Variants in TET1 observed in about 807,000 individuals in gnomAD.
The protein encoded by TET1 is methylcytosine dioxygenase TET1.
TET1 carries 13 observed loss-of-function variants against 148.7 expected under a neutral mutation model. The observed-to-expected ratio is 0.09, with a 90% CI of 0.06 to 0.14. TET1 has a LOEUF of 0.14. TET1 is among the 10% of genes least tolerant of loss of function. The pLI is 1.00. For synonymous variants in TET1, 907 were observed against 937.2 expected, an observed-to-expected ratio of 0.97 and a Z score of 0.59; for missense variants, 2,182 against 2,553.8, an observed-to-expected ratio of 0.85 and a Z score of 3.14.
intron 11 of TET1, among the ~76,000 whole-genome samples, chr10:68,690,118 A>G (rs550528406): frequency 5.1e-4 from 78 of 152,338 alleles, no homozygotes; most frequent in African/African-American, 1.8e-3. Context: ...GTATCTAAAT[A>G]TCTTTGAATA....
At chr10:68,661,006 T>G (rs1349529250) in intron 6 of TET1, among the ~76,000 whole-genome samples, 1 of 151,346 alleles carries the variant, frequency 6.6e-6, no homozygotes, top group Non-Finnish European at 1.5e-5. Context: ...ATCTTGCTCC[T>G]TCTAATATTA....
intron 3 of TET1, among the ~76,000 whole-genome samples, chr10:68,631,749 C>A (rs975563447): frequency 6.6e-6 from 1 of 152,044 alleles, no homozygotes; most frequent in African/African-American, 2.4e-5. Context: ...AATAAATACT[C>A]GGTATTCTTG....
intron 8 of TET1, chr10:68,673,461 C>T (rs1297092829): frequency 7.4e-6 from 3 of 403,146 alleles, no homozygotes; most frequent in Admixed American, 5.3e-5. Flanking sequence ...GAAACCGGAA[C>T]GAATCAGTCC....
chr10:68,587,442 G>T (rs2053873021), intron 2 of TET1, among the ~76,000 whole-genome samples: 1 of 152,112 alleles, frequency 6.6e-6, no homozygotes, highest in Non-Finnish European at 1.5e-5. Flanking sequence ...TTACAGAATT[G>T]CAGGGAGATT....
chr10:68,620,686 A>G (rs1055311823), intron 3 of TET1, among the ~76,000 whole-genome samples: 11 of 151,858 alleles, frequency 7.2e-5, no homozygotes, highest in Non-Finnish European at 1.3e-4. Context: ...TTGGGTACAT[A>G]CCAAGAAGTG....
At chr10:68,676,005 G>A (rs555163171) in intron 8 of TET1, among the ~76,000 whole-genome samples, 4 of 151,464 alleles carry the variant, frequency 2.6e-5, no homozygotes, top group South Asian at 2.1e-4. Flanking sequence ...ACAGGCTCCC[G>A]CCACCATGCC....
intron 3 of TET1, among the ~76,000 whole-genome samples, chr10:68,633,171 G>A (rs1450001389): frequency 1.3e-5 from 2 of 152,012 alleles, no homozygotes; most frequent in Admixed American, 1.3e-4. Context: ...GTGACAGAGT[G>A]AGACCTCATC....
rs192156510 is a variant in TET1 at position 68,642,511 on chromosome 10, A to G, written c.1969-2187A>G. On this transcript the variant is annotated intron_variant, in intron 3 of 11. Transcript: ENST00000373644. ...AGTGATTGCTTAAACAGGGCACAGC[A>G]TTTCTCTTTGGGGTTTTGAAAATGC... 1.8e-4 allele frequency among the ~76,000 whole-genome samples: 28 copies of G among 152,252 alleles called. No homozygotes were observed. The South Asian group carries it at 2.1e-3, about 11-fold the overall frequency.
intron 3 of TET1, among the ~76,000 whole-genome samples, chr10:68,616,302 C>T (rs1384906513): frequency 6.6e-6 from 1 of 150,378 alleles, no homozygotes; most frequent in African/African-American, 2.4e-5. Flanking sequence ...TCCAAGCGTA[C>T]AGGTCAGCTA....
At chr10:68,592,637 C>A (rs1405941513) in intron 2 of TET1, among the ~76,000 whole-genome samples, 1 of 152,102 alleles carries the variant, frequency 6.6e-6, no homozygotes, top group Non-Finnish European at 1.5e-5. Flanking sequence ...TGGAATGTTA[C>A]CTCAGCAACT....
intron 1 of TET1, among the ~76,000 whole-genome samples, chr10:68,570,679 G>C (rs2053659354): frequency 6.6e-6 from 1 of 151,868 alleles, no homozygotes; most frequent in Middle Eastern, 3.4e-3. Context: ...ACCCAGGCTG[G>C]AGTGCAGTGG....
intron 3 of TET1, among the ~76,000 whole-genome samples, chr10:68,641,930 G>A (rs1443965160): frequency 2.0e-5 from 3 of 152,234 alleles, no homozygotes; most frequent in South Asian, 2.1e-4. Context: ...TCCCCAGTAG[G>A]TAGGACTACA....
intron 10 of TET1, 55 bp from the exon 11 acceptor site, chr10:68,686,301 A>G (rs2055507411): frequency 6.9e-7 from 1 of 1,447,790 alleles, no homozygotes; most frequent in African/African-American, 1.4e-5. Context: ...GAATAGCCAC[A>G]ATGAATGTGC....
intron 1 of TET1, among the ~76,000 whole-genome samples, chr10:68,564,779 G>T (rs1273877961): frequency 6.6e-6 from 1 of 152,186 alleles, no homozygotes; most frequent in Non-Finnish European, 1.5e-5. Context: ...GGAGGCTGAG[G>T]CAGGAGGATC....
At chr10:68,609,157 CTG>C (rs2054170419) in intron 3 of TET1, among the ~76,000 whole-genome samples, 1 of 151,988 alleles carries the variant, frequency 6.6e-6, no homozygotes, top group African/African-American at 2.4e-5. Context: ...GCCACCAAGC[CTG>C]ACTAATTTTA....
chr10:68,566,935 G>A (rs767407279), intron 1 of TET1, among the ~76,000 whole-genome samples: 11 of 148,404 alleles, frequency 7.4e-5, no homozygotes, highest in African/African-American at 2.2e-4. Flanking sequence ...ATATTATTTC[G>A]TTTTATTCTC....
At chr10:68,595,937 TATATATATATATATATATATATATACAC>T (rs1184392062) in intron 2 of TET1, among the ~76,000 whole-genome samples, 2 of 37,670 alleles carry the variant, frequency 5.3e-5, no homozygotes, top group South Asian at 2.7e-3. Flanking sequence ...TATATATATA[TATATATATATATATATATATATATACAC>T]ACACACACAC....
rs555571175 is a variant in TET1 at position 68,605,606 on chromosome 10, T to C, written c.1968+4572T>C. On this transcript the variant is annotated intron_variant, in intron 3 of 11. Coordinates refer to ENST00000373644, the MANE Select transcript of TET1 (RefSeq NM_030625.3). ...TTGGCTCACTGCAACCTCTGCCACC[T>C]GGGTTCAAATGATTCTCCTGCCTCA... 2.6e-4 allele frequency among the ~76,000 whole-genome samples: 39 copies of C among 152,306 alleles called. No individual in the cohort carries two copies. The South Asian group carries it at 7.1e-3, about 28-fold the overall frequency.
At chr10:68,674,588 C>A in intron 8 of TET1, 3 of 532,844 alleles carry the variant, frequency 5.6e-6, no homozygotes, top group Non-Finnish European at 7.1e-6. Flanking sequence ...TGAAGATGTT[C>A]AGGGGAATGA....
Sources: allele counts gnomAD v4.1 joint callset (sites outside exome capture counted in the v4.1 genomes callset), GRCh38; gene constraint gnomAD v4.1.1; transcripts MANE v1.5; gene names NCBI Gene and HGNC (gene_info 2026-07-23, HGNC 2026-07-21).